AIM2: variants seen among roughly 807,000 people sequenced by gnomAD.
AIM2 encodes interferon-inducible protein AIM2.
A neutral mutation model predicts 27.7 loss-of-function variants in AIM2; 30 were observed. The ratio of observed to expected loss-of-function variants is 1.08; its 90% confidence interval spans 0.81 to 1.47. The LOEUF (loss-of-function observed/expected upper bound fraction) is 1.47, where lower values mean the gene tolerates loss of function less well. Among genes scored for constraint, AIM2 ranks in the 40% most tolerant of loss-of-function variants. The pLI, the probability that AIM2 is intolerant of heterozygous loss-of-function variation, is 0.00. For synonymous variants in AIM2, 141 were observed against 145.3 expected, an observed-to-expected ratio of 0.97 and a Z score of 0.21; for missense variants, 358 against 411.3, an observed-to-expected ratio of 0.87 and a Z score of 1.12.
At chr1:159,077,960 A>G (rs544718375), upstream of AIM2, among the ~76,000 whole-genome samples, 1 of 152,348 alleles carries the variant, frequency 6.6e-6, no homozygotes, top group Admixed American at 6.5e-5. Flanking sequence ...ATAGGACATG[A>G]TGATAAGTGT....
intron 1 of AIM2, among the ~76,000 whole-genome samples, chr1:159,075,607 T>G (rs1174420204): frequency 0.01 from 1,540 of 149,716 alleles, 25 homozygotes; most frequent in African/African-American, 0.034. Context: ...TATATATATA[T>G]ATATAGAGAG....
intron 1 of AIM2, among the ~76,000 whole-genome samples, chr1:159,127,781 G>C (rs749043962): frequency 6.6e-6 from 1 of 152,156 alleles, no homozygotes; most frequent in Non-Finnish European, 1.5e-5. Context: ...ACTTCCCAAG[G>C]CTGGATTTCT....
intron 1 of AIM2, among the ~76,000 whole-genome samples, chr1:159,127,659 T>C (rs1386317832): frequency 6.6e-6 from 1 of 152,208 alleles, no homozygotes; most frequent in Non-Finnish European, 1.5e-5. Context: ...ATAAGTGCTC[T>C]TATGAAAGAG....
chr1:159,103,166 T>C (rs1428344700), intron 1 of AIM2, among the ~76,000 whole-genome samples: 1 of 152,216 alleles, frequency 6.6e-6, no homozygotes, highest in Non-Finnish European at 1.5e-5. Context: ...GGTGGTTTTA[T>C]ATTCTTCTGG....
chr1:159,137,231 A>G (rs1648026261), intron 1 of AIM2, among the ~76,000 whole-genome samples: 1 of 152,210 alleles, frequency 6.6e-6, no homozygotes, highest in Non-Finnish European at 1.5e-5. Flanking sequence ...TTTTGTTGTT[A>G]TAATGATTGG....
At chr1:159,132,510 AG>A (rs1647914182) in intron 1 of AIM2, among the ~76,000 whole-genome samples, 1 of 152,236 alleles carries the variant, frequency 6.6e-6, no homozygotes, top group East Asian at 1.9e-4. Context: ...AATGTGAAAA[AG>A]AACGGACTCA....
upstream of AIM2, among the ~76,000 whole-genome samples, chr1:159,079,070 C>T (rs1190460493): frequency 6.6e-6 from 1 of 151,486 alleles, no homozygotes; most frequent in Non-Finnish European, 1.5e-5. Context: ...AAATAACATT[C>T]AGAAAAGCCT....
intron 1 of AIM2, among the ~76,000 whole-genome samples, chr1:159,091,899 A>T (rs1021787101): frequency 5.9e-5 from 9 of 152,254 alleles, no homozygotes; most frequent in African/African-American, 2.2e-4. Flanking sequence ...TACACAAAAC[A>T]GAAAGTAAAT....
downstream of AIM2, among the ~76,000 whole-genome samples, chr1:159,059,759 G>A (rs1655771990): frequency 2.0e-5 from 3 of 152,040 alleles, no homozygotes; most frequent in Non-Finnish European, 2.9e-5. Flanking sequence ...ACTTCCTAAG[G>A]ACAATCTATC....
chr1:159,124,430 C>T (rs900085054), intron 1 of AIM2, among the ~76,000 whole-genome samples: 1 of 152,166 alleles, frequency 6.6e-6, no homozygotes, highest in East Asian at 1.9e-4. Flanking sequence ...CTGGAAAAAG[C>T]GTCCTAGCCC....
At chr1:159,077,505 G>A (rs1365639821), upstream of AIM2, among the ~76,000 whole-genome samples, 1 of 152,194 alleles carries the variant, frequency 6.6e-6, no homozygotes, top group Non-Finnish European at 1.5e-5. Context: ...TTAACCAGTT[G>A]CGGCCAGTTT....
chr1:159,133,787 A>T (rs982613887), intron 1 of AIM2, among the ~76,000 whole-genome samples: 1 of 152,104 alleles, frequency 6.6e-6, no homozygotes, highest in Non-Finnish European at 1.5e-5. Context: ...CTCTGTTATT[A>T]AATGCTGAAG....
In AIM2 at chr1:159,073,504, CAACTTTG is replaced by C; in HGVS notation, c.-12_-6del. On this transcript the variant is annotated 5_prime_UTR_variant, in exon 2 of 6. Coordinates refer to ENST00000368130, the MANE Select transcript of AIM2 (RefSeq NM_004833.3). ...CTCCTTGTATTTACTCTCCATCTGA[CAACTTTG>C]GGATCAGCCTATAAGGAATCCAAAA... 1 of 1,612,832 alleles carries C rather than the reference CAACTTTG, an allele frequency of 6.2e-7. No homozygotes were observed.
At chr1:159,132,868 A>G (rs1227337722) in intron 1 of AIM2, among the ~76,000 whole-genome samples, 1 of 152,218 alleles carries the variant, frequency 6.6e-6, no homozygotes, top group Non-Finnish European at 1.5e-5. Context: ...CACTCTCCAC[A>G]GTAACTAATC....
chr1:159,103,360 T>G (rs1440676121), intron 1 of AIM2, among the ~76,000 whole-genome samples: 1 of 133,062 alleles, frequency 7.5e-6, no homozygotes, highest in Non-Finnish European at 1.6e-5. Context: ...GGCTAATACA[T>G]CACAGTTTTC....
chr1:159,092,795 G>T (rs570575734), intron 1 of AIM2, among the ~76,000 whole-genome samples: 1 of 152,088 alleles, frequency 6.6e-6, no homozygotes, highest in African/African-American at 2.4e-5. Context: ...AGGCCTAGGT[G>T]GGCGGATCAA....
intron 1 of AIM2, among the ~76,000 whole-genome samples, chr1:159,111,767 T>G (rs1454521666): frequency 1.4e-5 from 2 of 144,360 alleles, no homozygotes; most frequent in African/African-American, 5.5e-5. Flanking sequence ...GTTCGAGGCC[T>G]GGCCAACATG....
Position 159,073,352 on chromosome 1 carries a change from TAGCTAC to T in AIM2, c.142_147del (p.Val48_Ala49del). On this transcript the variant is annotated inframe_deletion, in exon 2 of 6. Coordinates refer to ENST00000368130, the MANE Select transcript of AIM2 (RefSeq NM_004833.3). Reference sequence around the variant, plus strand: ...GCCCCAGCATTTTGAATCATCAAGGTAGCTACTTGTATTCTGTTTGCAGTATGTAGT... The same window carrying T: ...GCCCCAGCATTTTGAATCATCAAGGTTTGTATTCTGTTTGCAGTATGTAGT... 6.2e-7 allele frequency: 1 copy of T among 1,614,232 alleles called. No individual in the cohort carries two copies. Among genetic ancestry groups the T allele is most frequent in the South Asian group, 1.1e-5 (1 of 91,090 alleles).
At chr1:159,111,605 G>T (rs1570970602) in intron 1 of AIM2, among the ~76,000 whole-genome samples, 1 of 151,818 alleles carries the variant, frequency 6.6e-6, no homozygotes, top group Admixed American at 6.6e-5. Context: ...AAAAATCAAA[G>T]AAAATATATA....
Sources: gnomAD v4.1 joint callset for allele counts (sites outside exome capture counted in the v4.1 genomes callset) on GRCh38, gnomAD v4.1.1 for gene constraint, MANE v1.5 for transcripts, NCBI Gene and HGNC (gene_info 2026-07-23, HGNC 2026-07-21) for gene names.